The following COL25A1 variants were observed in gnomAD, a reference collection of about 807,000 sequenced individuals.
The protein encoded by COL25A1 is collagen alpha-1(XXV) chain.
COL25A1 carries 103 observed loss-of-function variants against 128.4 expected under a neutral mutation model. The ratio of observed to expected loss-of-function variants is 0.80; its 90% CI spans 0.68 to 0.94. COL25A1 has a LOEUF of 0.94. Among genes scored for constraint, COL25A1 ranks in the 40% least tolerant of loss-of-function variants. The probability of loss-of-function intolerance (pLI) is 0.00; values close to 1 mark genes in which losing one functional copy is unlikely to be tolerated. For synonymous variants in COL25A1, 279 were observed against 277.2 expected (o/e 1.01, Z -0.06); for missense variants, 745 against 840.0 (o/e 0.89, Z 1.40).
chr4:109,021,778 G>C lies in COL25A1; in HGVS notation c.421-11403C>G, dbSNP rs1475712642. The stretch of plus-strand genomic sequence containing the variant: ...TAGGAAAAGAATTGCATTCCTGGGG[G>C]CAGGTCTATAAACCACCGCTCTGGG... On this transcript the variant is annotated intron_variant, in intron 5 of 37. Transcript: ENST00000399132. The C allele has an allele frequency of 8.8e-6, 4 of 453,268 alleles. No individual in the cohort carries two copies. In the Admixed American group the frequency reaches 9.4e-5, roughly 11 times the overall value. The allele number at this position is 453,268 out of a possible 1,614,324, so 28.1% of individuals were successfully genotyped here.
At chr4:109,240,322 T>G (rs1779813644) in intron 3 of COL25A1, among the ~76,000 whole-genome samples, 1 of 152,068 alleles carries the variant, frequency 6.6e-6, no homozygotes, top group Admixed American at 6.6e-5. Context: ...CATTGTGCCA[T>G]GACATCACAA....
chr4:109,197,544 TAG>T (rs536083252), intron 3 of COL25A1, among the ~76,000 whole-genome samples: 3 of 138,774 alleles, frequency 2.2e-5, no homozygotes, highest in African/African-American at 5.4e-5. Flanking sequence ...ATATAAATAA[TAG>T]AGAGAGAGAG....
chr4:108,981,992 G>A (rs192054235), intron 6 of COL25A1, among the ~76,000 whole-genome samples: 1 of 152,076 alleles, frequency 6.6e-6, no homozygotes, highest in African/African-American at 2.4e-5. Context: ...TCAGGAGTTC[G>A]AGACCAGCCT....
At chr4:109,285,535 GACA>G (rs1723795327) in intron 3 of COL25A1, among the ~76,000 whole-genome samples, 2 of 152,162 alleles carry the variant, frequency 1.3e-5, no homozygotes, top group African/African-American at 4.8e-5. Flanking sequence ...GTCCCTTGGA[GACA>G]ACATTATGAC....
intron 6 of COL25A1, among the ~76,000 whole-genome samples, chr4:108,987,997 A>G (rs1753815628): frequency 6.6e-6 from 1 of 152,152 alleles, no homozygotes; most frequent in Non-Finnish European, 1.5e-5. Flanking sequence ...TCTTAATAAC[A>G]TACCAGGGCC....
At chr4:109,174,654 A>G (rs1272013078) in intron 3 of COL25A1, among the ~76,000 whole-genome samples, 1 of 152,194 alleles carries the variant, frequency 6.6e-6, no homozygotes, top group African/African-American at 2.4e-5. Context: ...CACCTGTCCC[A>G]TGTTGCGTTA....
At chr4:109,033,975 A>C (rs1759104830) in intron 5 of COL25A1, among the ~76,000 whole-genome samples, 1 of 152,174 alleles carries the variant, frequency 6.6e-6, no homozygotes, top group South Asian at 2.1e-4. Flanking sequence ...TTAAAGCAAA[A>C]CATAAGCAAT....
At chr4:109,160,882 T>C (rs1772507555) in intron 3 of COL25A1, among the ~76,000 whole-genome samples, 1 of 152,202 alleles carries the variant, frequency 6.6e-6, no homozygotes, top group Non-Finnish European at 1.5e-5. Context: ...TGTAATTGGC[T>C]TATTTCCTTT....
intron 11 of COL25A1, among the ~76,000 whole-genome samples, chr4:108,922,944 A>G (rs1282930888): frequency 6.6e-6 from 1 of 152,186 alleles, no homozygotes; most frequent in Non-Finnish European, 1.5e-5. Flanking sequence ...ATCTAACAAG[A>G]GTATCATCCA....
At chr4:108,995,692 G>A (rs181406858) in intron 6 of COL25A1, among the ~76,000 whole-genome samples, 2 of 152,228 alleles carry the variant, frequency 1.3e-5, no homozygotes, top group Admixed American at 1.3e-4. Context: ...TGAAATGAAC[G>A]AAAAAATGTT....
chr4:109,085,152 T>C (rs892790268), intron 3 of COL25A1, among the ~76,000 whole-genome samples: 6 of 152,154 alleles, frequency 3.9e-5, no homozygotes, highest in African/African-American at 1.4e-4. Context: ...CTCTATCTAC[T>C]CTCTCATCCA....
intron 6 of COL25A1, among the ~76,000 whole-genome samples, chr4:109,004,969 C>G (rs536726380): frequency 2.0e-4 from 30 of 152,132 alleles, no homozygotes; most frequent in African/African-American, 7.0e-4. Flanking sequence ...ACAATTCTGT[C>G]CAAGTCTTTT....
intron 32 of COL25A1, among the ~76,000 whole-genome samples, chr4:108,831,617 CA>C (rs1441464454): frequency 6.7e-6 from 1 of 150,228 alleles, no homozygotes; most frequent in South Asian, 2.1e-4. Context: ...CTCAGACACA[CA>C]AAAATAATTC....
At chr4:108,986,272 C>T (rs2126005723) in intron 6 of COL25A1, among the ~76,000 whole-genome samples, 1 of 152,194 alleles carries the variant, frequency 6.6e-6, no homozygotes, top group Middle Eastern at 3.4e-3. Flanking sequence ...ACTTCAGGGG[C>T]CCATTTTGTA....
At chr4:109,257,345 TC>T (rs1348787399) in intron 3 of COL25A1, among the ~76,000 whole-genome samples, 1 of 152,180 alleles carries the variant, frequency 6.6e-6, no homozygotes, top group African/African-American at 2.4e-5. Flanking sequence ...GAGTATTAAC[TC>T]ATTCCATGCT....
At chr4:108,892,945 A>G (rs1003256580) in intron 16 of COL25A1, among the ~76,000 whole-genome samples, 13 of 152,170 alleles carry the variant, frequency 8.5e-5, no homozygotes, top group African/African-American at 3.1e-4. Flanking sequence ...CAGCAACAGT[A>G]TTCTAAATTA....
intron 36 of COL25A1, 69 bp downstream of exon 36, chr4:108,819,183 C>T (rs543178204): frequency 1.6e-6 from 2 of 1,230,740 alleles, no homozygotes; most frequent in South Asian, 1.4e-5. Flanking sequence ...CCACTTTACA[C>T]TGATAGAGAT....
intron 3 of COL25A1, among the ~76,000 whole-genome samples, chr4:109,066,585 T>C (rs886847729): frequency 4.6e-5 from 7 of 152,204 alleles, no homozygotes; most frequent in Admixed American, 3.3e-4. Context: ...CTCTAGTGCC[T>C]AGGAGAATGG....
At chr4:108,864,000 T>A (rs1005997657) in intron 20 of COL25A1, among the ~76,000 whole-genome samples, 1 of 152,182 alleles carries the variant, frequency 6.6e-6, no homozygotes, top group Non-Finnish European at 1.5e-5. Context: ...TAGCCTGTTG[T>A]GGGACTTCTC....
Sources: allele counts gnomAD v4.1 joint callset (sites outside exome capture counted in the v4.1 genomes callset), GRCh38; gene constraint gnomAD v4.1.1; transcripts MANE v1.5; gene names NCBI Gene and HGNC (gene_info 2026-07-23, HGNC 2026-07-21).